RUNX3: variants seen among roughly 807,000 people sequenced by gnomAD.
RUNX3 encodes the protein runt-related transcription factor 3.
A neutral mutation model predicts 27.7 loss-of-function variants in RUNX3; 10 were observed. That is an observed-to-expected ratio of 0.36 (90% CI 0.22 to 0.61). The LOEUF (loss-of-function observed/expected upper bound fraction) is 0.61. RUNX3 is among the 20% of genes least tolerant of loss of function. The probability of loss-of-function intolerance (pLI) is 0.72; values close to 1 mark genes in which losing one functional copy is unlikely to be tolerated. For missense variants in RUNX3, 469 were observed against 629.5 expected, an observed-to-expected ratio of 0.75 and a Z score of 2.73; for synonymous variants, 270 against 269.2, an observed-to-expected ratio of 1.00 and a Z score of -0.03.
chr1:24,902,256 C>T lies in RUNX3; in HGVS notation c.1114G>A (p.Ala372Thr), dbSNP rs142303780. ...ASCTSSAASV[A>T]AGNLMNPSLG... The stretch of plus-strand genomic sequence containing the variant: ...CTGGGGTTCATGAGGTTGCCGGCGG[C>T]GACAGAGGCAGCGCTGCTGGTGCAA... Residue 372 changes from alanine (A) to threonine (T), a missense_variant, in exon 5 of 5, where the codon GCC (alanine) becomes ACC (threonine). Ala to Thr is a moderately conservative substitution (Grantham distance 58). Transcript: ENST00000308873. The surrounding 1 kb of genome is among the most constrained non-coding windows in gnomAD (Gnocchi z 9.2). 980 of 1,587,694 alleles carry T rather than the reference C, an allele frequency of 6.2e-4. No individual in the cohort carries two copies. Among genetic ancestry groups the T allele is most frequent in the Non-Finnish European group, 7.9e-4 (925 of 1,169,480 alleles).
rs1445291567 is a variant in RUNX3 at position 24,902,635 on chromosome 1, G to A, written c.735C>T (p.Pro245=). ...GTSELNPFSD[P]RQFDRSFPTL... ...TGGGGAAGGAGCGGTCAAACTGGCG[G>A]GGGTCGGAGAATGGGTTCAGTTCCG... Residue 245 remains proline, a synonymous_variant, in exon 5 of 5, where the codon CCC becomes CCT. Transcript: ENST00000308873. The surrounding 1 kb of genome is among the most constrained non-coding windows in gnomAD (Gnocchi z 9.2). 2.0e-6 allele frequency: 3 copies of A among 1,527,646 alleles called. No homozygotes were observed. The highest frequency in any genetic ancestry group is 2.8e-5 in the African/African-American group (2 of 72,368). 94.6% of individuals were successfully genotyped at this position (1,527,646 alleles called of 1,614,324 possible).
chr1:24,939,835 C>T (rs530345625), intron 2 of RUNX3, among the ~76,000 whole-genome samples: 1 of 152,310 alleles, frequency 6.6e-6, no homozygotes, highest in Non-Finnish European at 1.5e-5. Context: ...CTAGGGTGCC[C>T]CACGGCAGCA....
rs996167542 is a variant in RUNX3, at chr1:24,902,637, G to A, written c.733C>T (p.Pro245Ser). Residue 245 changes from proline to serine, a missense_variant, in exon 5 of 5, where the codon CCC becomes TCC. Transcript: ENST00000308873. The surrounding 1 kb of genome is among the most constrained non-coding windows in gnomAD (Gnocchi z 9.2). The part of the protein sequence containing the change: ...GTSELNPFSD[P>S]RQFDRSFPTL... The stretch of plus-strand genomic sequence containing the variant: ...GGGAAGGAGCGGTCAAACTGGCGGG[G>A]GTCGGAGAATGGGTTCAGTTCCGAG... 1.3e-6 allele frequency: 2 copies of A among 1,527,368 alleles called. No homozygotes were observed. Among genetic ancestry groups the A allele is most frequent in the Admixed American group, 2.0e-5 (1 of 48,892 alleles). The allele number at this position is 1,527,368 out of a possible 1,614,324, so 94.6% of individuals were successfully genotyped here. A position where few individuals can be genotyped will look rare whatever the true frequency, so the allele number is the denominator to read the frequency against.
At chr1:24,905,604 CG>C (rs1421030287) in intron 4 of RUNX3, among the ~76,000 whole-genome samples, 1 of 152,216 alleles carries the variant, frequency 6.6e-6, no homozygotes, top group Non-Finnish European at 1.5e-5. Context: ...CTGTGCCTGC[CG>C]TGGGGCCAGG....
Position 24,929,689 on chromosome 1 carries a change from C to A in RUNX3, c.180G>T (p.Ala60=), listed in dbSNP as rs1420456702. Residue 60 remains alanine (A), a synonymous_variant, in exon 1 of 5, where the codon GCG becomes GCT. Coordinates refer to ENST00000308873, the MANE Select transcript of RUNX3 (RefSeq NM_004350.3). ...PEVRSMVDVL[A]DHAGELVRTD... The stretch of plus-strand genomic sequence containing the variant: ...TGCGCACGAGCTCGCCTGCGTGGTC[C>A]GCCAGCACGTCCACCATCGAGCGCA... The A allele has an allele frequency of 5.1e-6, 8 of 1,580,978 alleles. No individual in the cohort carries two copies. The highest frequency in any genetic ancestry group is 1.9e-4 in the Middle Eastern group (1 of 5,332).
intron 2 of RUNX3, among the ~76,000 whole-genome samples, chr1:24,949,335 G>A (rs763262214): frequency 3.9e-5 from 6 of 152,100 alleles, no homozygotes; most frequent in Non-Finnish European, 7.4e-5. Flanking sequence ...AGTGCAAATC[G>A]TCCAGCGTCC....
Position 24,901,746 on chromosome 1 carries a change from C to A in RUNX3, c.*376G>T. ...AGGCTTATCCTGTGGGCCAATGCTG[C>A]CTCTCTCTGGAAGAGAGATGGCCTC... is the stretch of plus-strand genomic sequence containing the variant. On this transcript the variant is annotated 3_prime_UTR_variant, in exon 5 of 5. Transcript: ENST00000308873. 4.7e-6 allele frequency: 1 copy of A among 212,074 alleles called. No individual in the cohort carries two copies. The highest frequency in any genetic ancestry group is 9.4e-6 in the Non-Finnish European group (1 of 106,324). The allele number at this position is 212,074 out of a possible 1,614,324, so 13.1% of individuals were successfully genotyped here.
intron 2 of RUNX3, among the ~76,000 whole-genome samples, chr1:24,937,238 A>G (rs1370587793): frequency 1.3e-5 from 2 of 152,126 alleles, no homozygotes; most frequent in Non-Finnish European, 2.9e-5. Flanking sequence ...ATGCAGTCGC[A>G]CAGGGCCCTG....
intron 2 of RUNX3, among the ~76,000 whole-genome samples, chr1:24,957,501 T>C (rs932120680): frequency 2.6e-5 from 4 of 152,056 alleles, no homozygotes; most frequent in Non-Finnish European, 4.4e-5. Flanking sequence ...GGGGCAGCAA[T>C]GGCAGAGCAC....
Position 24,907,325 on chromosome 1 carries a change from G to A in RUNX3, c.637C>T (p.Pro213Ser), listed in dbSNP as rs749237653. ...RLRMRVTPSTPSPRGSLSTTS... is the reference protein window; with the variant it reads ...RLRMRVTPSTSSPRGSLSTTS... ...GTGCTGAGTGAGCCTCGGGGGCTGG[G>A]TGTGCTCGGTGTCACCCGCATGCGC... The change falls in exon 4 of 5, where the codon CCC becomes TCC. Residue 213 changes from proline (P) to serine (S), a missense_variant. Transcript: ENST00000308873. The A allele has an allele frequency of 1.2e-6, 2 of 1,613,482 alleles. No individual in the cohort carries two copies. Among genetic ancestry groups the A allele is most frequent in the Admixed American group, 3.3e-5 (2 of 60,022 alleles).
At chr1:24,941,578 G>A (rs940028430) in intron 2 of RUNX3, among the ~76,000 whole-genome samples, 4 of 152,230 alleles carry the variant, frequency 2.6e-5, no homozygotes, top group African/African-American at 9.6e-5. Flanking sequence ...AACCTCAGCA[G>A]CCTGATCCCA....
At chr1:24,909,246 C>A (rs1013615856) in intron 3 of RUNX3, among the ~76,000 whole-genome samples, 1 of 152,198 alleles carries the variant, frequency 6.6e-6, no homozygotes, top group South Asian at 2.1e-4. Context: ...ACAAGCAACA[C>A]GTGAATATTT....
intron 2 of RUNX3, among the ~76,000 whole-genome samples, chr1:24,947,960 C>A (rs1641653494): frequency 6.6e-6 from 1 of 152,238 alleles, no homozygotes; most frequent in African/African-American, 2.4e-5. Context: ...CCTGGGGAGG[C>A]CCCACCTTCT....
chr1:24,945,508 A>G (rs1272775541), intron 2 of RUNX3, among the ~76,000 whole-genome samples: 1 of 152,218 alleles, frequency 6.6e-6, no homozygotes, highest in Admixed American at 6.5e-5. Flanking sequence ...TGAGTGCTTT[A>G]CACTTATTAA....
In RUNX3 at chr1:24,907,296, T is replaced by G. The variant is rs750410941; in HGVS notation, c.666A>C (p.Thr222=). ...TCTGGGGCTGGCTGCTGAAGTGGCT[T>G]GTGGTGCTGAGTGAGCCTCGGGGGC... ...TPSPRGSLST[T]SHFSSQPQTP... Residue 222 remains threonine (T), a synonymous_variant, in exon 4 of 5, where the codon ACA becomes ACC. Transcript: ENST00000308873. 6 of 1,612,548 alleles carry G rather than the reference T, an allele frequency of 3.7e-6. No homozygotes were observed. Among genetic ancestry groups the G allele is most frequent in the Non-Finnish European group, 5.1e-6 (6 of 1,179,974 alleles).
chr1:24,961,921 C>A (rs1249794480), intron 2 of RUNX3: 1 of 152,238 alleles, frequency 6.6e-6, no homozygotes, highest in African/African-American at 2.4e-5. Flanking sequence ...GACGAGAGAA[C>A]AGCCCGAGTA....
intron 1 of RUNX3, chr1:24,929,134 G>A (rs1197678892): frequency 2.2e-6 from 1 of 463,174 alleles, no homozygotes; most frequent in South Asian, 1.5e-5. Flanking sequence ...AAGCCCGAGG[G>A]TGTGAGCAGG....
At chr1:24,941,798 A>T (rs12725096) in intron 2 of RUNX3, among the ~76,000 whole-genome samples, 5,404 of 152,280 alleles carry the variant, frequency 0.035, 135 homozygotes, top group Non-Finnish European at 0.056. Flanking sequence ...TTACAGGGTC[A>T]TGGCTGCTGG....
chr1:24,950,031 C>T (rs12732387), intron 2 of RUNX3, among the ~76,000 whole-genome samples: 4,179 of 152,328 alleles, frequency 0.027, 75 homozygotes, highest in Non-Finnish European at 0.044. Context: ...CAGGGCAGCT[C>T]ATCTGAGCTC....
Sources: gnomAD v4.1 joint callset for allele counts (sites outside exome capture counted in the v4.1 genomes callset) on GRCh38, gnomAD v4.1.1 for gene constraint, Gnocchi (gnomAD v3.1) non-coding constraint, MANE v1.5 for transcripts, NCBI Gene and HGNC (gene_info 2026-07-23, HGNC 2026-07-21) for gene names.